TBC1D31: variants seen among roughly 807,000 people sequenced by gnomAD.
TBC1D31 encodes the protein TBC1 domain family member 31, also known as WD repeat domain 67.
Under a neutral mutation model 132.9 loss-of-function variants are expected in TBC1D31, and 99 were observed. The ratio of observed to expected loss-of-function variants is 0.74; its 90% CI spans 0.63 to 0.88. The LOEUF (loss-of-function observed/expected upper bound fraction) is 0.88, where lower values mean the gene tolerates loss of function less well. Among genes scored for constraint, TBC1D31 ranks in the 40% least tolerant of loss-of-function variants. The pLI, the probability that TBC1D31 is intolerant of heterozygous loss-of-function variation, is 0.00. For missense variants in TBC1D31, 1,134 were observed against 1,256.6 expected (o/e 0.90, Z 1.48); for synonymous variants, 385 against 419.4 (o/e 0.92, Z 1.00).
chr8:123,091,912 G>C (rs1001754967), intron 4 of TBC1D31, among the ~76,000 whole-genome samples: 3 of 152,154 alleles, frequency 2.0e-5, no homozygotes, highest in African/African-American at 7.2e-5. Flanking sequence ...AACTGAATCT[G>C]TAATAAGATA....
chr8:123,109,521 C>T lies in TBC1D31; in HGVS notation c.1337C>T (p.Ala446Val), dbSNP rs775746337. Reference sequence around the variant, plus strand: ...CTACAACTGCCTGAAAATCATACTGCGTTTAGTACCCTCATAGATAAGGGG... The same window carrying T: ...CTACAACTGCCTGAAAATCATACTGTGTTTAGTACCCTCATAGATAAGGGG... Reference protein sequence around the residue: ...SLLQLPENHTAFSTLIDKGTH... With the variant: ...SLLQLPENHTVFSTLIDKGTH... The change falls in exon 10 of 22, where the codon GCG becomes GTG. Residue 446 changes from alanine (A) to valine (V), a missense_variant. Coordinates refer to ENST00000287380, the MANE Select transcript of TBC1D31 (RefSeq NM_145647.4). 42 of 1,613,704 alleles carry T rather than the reference C, an allele frequency of 2.6e-5. No individual in the cohort carries two copies. Among genetic ancestry groups the T allele is most frequent in the Admixed American group, 3.3e-5 (2 of 59,952 alleles).
rs761663047 is a variant in TBC1D31 at position 123,109,434 on chromosome 8, C to CA, written c.1290-32dup. The CA allele has an allele frequency of 3.8e-5, 61 of 1,605,490 alleles. No homozygotes were observed. In the African/African-American group the frequency reaches 5.6e-4, roughly 15 times the overall value. On this transcript the variant is annotated intron_variant, in intron 9 of 21. Coordinates refer to ENST00000287380, the MANE Select transcript of TBC1D31 (RefSeq NM_145647.4). ...TTCTGTATGTTACATCAGTTTTACTCAAAAAAAATTGGGGGGATTAAAATA... is the reference window on the plus strand; with the variant it reads ...TTCTGTATGTTACATCAGTTTTACTCAAAAAAAAATTGGGGGGATTAAAATA...
chr8:123,141,844 CTTTTTTTTTTT>C (rs1160750679), intron 18 of TBC1D31, among the ~76,000 whole-genome samples: 110 of 52,056 alleles, frequency 2.1e-3, no homozygotes, highest in Non-Finnish European at 2.9e-3. Flanking sequence ...TTGAAGAGCT[CTTTTTTTTTTT>C]TTTTTTTTTT....
intron 10 of TBC1D31, among the ~76,000 whole-genome samples, chr8:123,118,434 G>T (rs1410142130): frequency 6.6e-6 from 1 of 152,096 alleles, no homozygotes; most frequent in Non-Finnish European, 1.5e-5. Context: ...AACAGTACAG[G>T]TATTAGAAGT....
chr8:123,103,370 T>C (rs1196162978), intron 7 of TBC1D31: 1 of 152,124 alleles, frequency 6.6e-6, no homozygotes. Flanking sequence ...CTGCTCTTAC[T>C]GAGAGAGTTT....
the TBC1D31 span, among the ~76,000 whole-genome samples, chr8:123,160,375 T>A: frequency 1.3e-5 from 2 of 151,584 alleles, no homozygotes; most frequent in African/African-American, 4.9e-5. Flanking sequence ...TGACGTACCT[T>A]AATTTAAAAG....
At chr8:123,103,377 G>A (rs1210906003) in intron 7 of TBC1D31, 4 of 151,090 alleles carry the variant, frequency 2.6e-5, no homozygotes, top group Non-Finnish European at 5.9e-5. Flanking sequence ...TACTGAGAGA[G>A]TTTTCAGCCT....
rs147383503 is a variant in TBC1D31 at position 123,126,828 on chromosome 8, G to A, written c.1884+141G>A. Reference sequence around the variant, plus strand: ...GCGATCTCAGCTCACTGCAACCTCCGCCTCCCAAGTTCAAGCGATTCTCCT... The same window carrying A: ...GCGATCTCAGCTCACTGCAACCTCCACCTCCCAAGTTCAAGCGATTCTCCT... On this transcript the variant is annotated intron_variant, in intron 13 of 21. Transcript: ENST00000287380. 5.2e-4 allele frequency: 340 copies of A among 652,790 alleles called. No homozygotes were observed. In the African/African-American group the frequency reaches 5.3e-3, roughly 10 times the overall value. The allele number at this position is 652,790 out of a possible 1,614,324, so 40.4% of individuals were successfully genotyped here. A position where few individuals can be genotyped will look rare whatever the true frequency, so the allele number is the denominator to read the frequency against.
intron 4 of TBC1D31, among the ~76,000 whole-genome samples, chr8:123,086,594 T>A (rs535714356): frequency 2.6e-4 from 39 of 152,162 alleles, no homozygotes; most frequent in Admixed American, 2.4e-3. Flanking sequence ...GCCTGTCATA[T>A]CTCTTCAGCT....
At chr8:123,109,188 T>C in intron 8 of TBC1D31, 129 bp from the exon 9 acceptor site, 3 of 653,370 alleles carry the variant, frequency 4.6e-6, no homozygotes, top group Non-Finnish European at 7.9e-6. Context: ...AAAAGACCTA[T>C]GATACACAAA....
rs534557290 is a variant in TBC1D31, at chr8:123,111,331, T to G, written c.1436+1711T>G. On this transcript the variant is annotated intron_variant, in intron 10 of 21. Transcript: ENST00000287380. ...GGAAATTTCTCCAAAGAAAAAGTTC[T>G]TAGGATCAACTACTTGGTTACCGGA... Among the ~76,000 whole-genome samples the G allele has an allele frequency of 2.6e-5, 4 of 152,340 alleles. No individual in the cohort carries two copies. In the East Asian group the frequency reaches 7.7e-4, roughly 29 times the overall value.
intron 21 of TBC1D31, 31 bp from the exon 22 acceptor site, chr8:123,151,775 G>A (rs199638982): frequency 6.5e-7 from 1 of 1,538,194 alleles, no homozygotes; most frequent in Non-Finnish European, 8.7e-7. Context: ...AGAAAACTCA[G>A]CTTTTCTAAA....
chr8:123,091,350 T>C (rs1432521407), intron 4 of TBC1D31, among the ~76,000 whole-genome samples: 1 of 152,244 alleles, frequency 6.6e-6, no homozygotes, highest in Non-Finnish European at 1.5e-5. Context: ...ATAAACTTTA[T>C]TACTTTTCCA....
chr8:123,151,488 A>G (rs1450061402), intron 21 of TBC1D31, among the ~76,000 whole-genome samples: 1 of 152,212 alleles, frequency 6.6e-6, no homozygotes, highest in Non-Finnish European at 1.5e-5. Flanking sequence ...ATTACTATTA[A>G]GCATCATTGT....
chr8:123,157,096 T>A (rs905318150), downstream of TBC1D31, among the ~76,000 whole-genome samples: 1 of 152,010 alleles, frequency 6.6e-6, no homozygotes, highest in African/African-American at 2.4e-5. Flanking sequence ...TTGGCGGGGG[T>A]ACTTATCAGG....
the TBC1D31 span, among the ~76,000 whole-genome samples, chr8:123,163,790 A>C: frequency 1.3e-5 from 2 of 152,212 alleles, no homozygotes; most frequent in Non-Finnish European, 2.9e-5. Context: ...CACCCGAAGG[A>C]GTGTACCCAA....
intron 16 of TBC1D31, 66 bp from the exon 17 acceptor site, chr8:123,134,048 A>G: frequency 1.6e-6 from 2 of 1,289,936 alleles, no homozygotes; most frequent in Admixed American, 1.9e-5. Flanking sequence ...TTACAGGATT[A>G]CTAAATATAT....
At chr8:123,100,052 G>T (rs564294940) in intron 6 of TBC1D31, among the ~76,000 whole-genome samples, 38 of 152,254 alleles carry the variant, frequency 2.5e-4, no homozygotes, top group Non-Finnish European at 4.4e-4. Context: ...TGCCAACACT[G>T]TTGCATTGAG....
At chr8:123,151,732 C>G in intron 21 of TBC1D31, 74 bp from the exon 22 acceptor site, 1 of 1,375,862 alleles carries the variant, frequency 7.3e-7, no homozygotes, top group Non-Finnish European at 9.7e-7. Flanking sequence ...ACACATTTAT[C>G]TTTAAAATAA....
Sources: gnomAD v4.1 joint callset for allele counts (sites outside exome capture counted in the v4.1 genomes callset) on GRCh38, gnomAD v4.1.1 for gene constraint, MANE v1.5 for transcripts, NCBI Gene and HGNC (gene_info 2026-07-23, HGNC 2026-07-21) for gene names.